Variants in FAR2 observed in about 807,000 individuals in gnomAD.
FAR2 encodes the protein epididymis secretory protein Li 81.
FAR2 carries 19 observed loss-of-function variants against 56.0 expected under a neutral mutation model. The observed-to-expected ratio is 0.34, with a 90% CI of 0.24 to 0.50. The LOEUF is 0.50. Ranked by LOEUF, FAR2 falls within the 20% of genes least tolerant of loss-of-function variation. The pLI, the probability that FAR2 is intolerant of heterozygous loss-of-function variation, is 0.98. For synonymous variants in FAR2, 219 were observed against 218.8 expected, an observed-to-expected ratio of 1.00 and a Z score of -0.01; for missense variants, 508 against 642.2, an observed-to-expected ratio of 0.79 and a Z score of 2.26.
chr12:29,290,169 G>T (rs1373323740), intron 2 of FAR2, among the ~76,000 whole-genome samples: 1 of 152,190 alleles, frequency 6.6e-6, no homozygotes, highest in Non-Finnish European at 1.5e-5. Context: ...ATATGGGCCA[G>T]GTGTGGTGGC....
At chr12:29,165,297 G>A (rs1018654258) in intron 1 of FAR2, among the ~76,000 whole-genome samples, 1 of 152,130 alleles carries the variant, frequency 6.6e-6, no homozygotes, top group Non-Finnish European at 1.5e-5. Flanking sequence ...AATACTCTAA[G>A]GATGAAATTC....
chr12:29,323,591 A>G (rs561879380), intron 10 of FAR2, among the ~76,000 whole-genome samples: 3 of 152,198 alleles, frequency 2.0e-5, no homozygotes, highest in African/African-American at 7.2e-5. Context: ...CGGTTCACCA[A>G]TATCCGCTGT....
intron 1 of FAR2, among the ~76,000 whole-genome samples, chr12:29,238,416 T>C (rs948738260): frequency 6.6e-6 from 1 of 152,158 alleles, no homozygotes. Flanking sequence ...AAATATGTTA[T>C]TTATTTTAAC....
At chr12:29,155,687 G>T (rs975974448) in intron 1 of FAR2, among the ~76,000 whole-genome samples, 3 of 152,178 alleles carry the variant, frequency 2.0e-5, no homozygotes, top group Non-Finnish European at 4.4e-5. Context: ...TATAAATAAA[G>T]TTTTATCAGA....
chr12:29,192,412 A>G (rs536840538), intron 1 of FAR2, among the ~76,000 whole-genome samples: 4 of 152,208 alleles, frequency 2.6e-5, no homozygotes, highest in African/African-American at 9.6e-5. Flanking sequence ...GAAAGAGGTT[A>G]TATTTATTAA....
chr12:29,153,038 CT>C (rs1345337149), intron 1 of FAR2, among the ~76,000 whole-genome samples: 3 of 152,194 alleles, frequency 2.0e-5, no homozygotes, highest in African/African-American at 7.2e-5. Context: ...CAGAAATTCC[CT>C]CTAGCTAGCT....
chr12:29,153,401 T>C (rs1429894843), intron 1 of FAR2, among the ~76,000 whole-genome samples: 4 of 152,092 alleles, frequency 2.6e-5, no homozygotes, highest in Admixed American at 2.6e-4. Flanking sequence ...TGGGAAGGTC[T>C]TAAGAGAAAA....
At chr12:29,196,492 G>C (rs968896818) in intron 1 of FAR2, among the ~76,000 whole-genome samples, 2 of 151,944 alleles carry the variant, frequency 1.3e-5, no homozygotes, top group Non-Finnish European at 2.9e-5. Flanking sequence ...GTCTTCTTTT[G>C]AAAAATATCT....
At chr12:29,305,615 C>T (rs755190778) in intron 4 of FAR2, among the ~76,000 whole-genome samples, 5 of 151,932 alleles carry the variant, frequency 3.3e-5, no homozygotes, top group Non-Finnish European at 7.4e-5. Flanking sequence ...ATAATTATTG[C>T]CATTTTCACA....
chr12:29,212,898 G>A (rs1226040531), intron 1 of FAR2, among the ~76,000 whole-genome samples: 1 of 152,064 alleles, frequency 6.6e-6, no homozygotes, highest in African/African-American at 2.4e-5. Flanking sequence ...AAGATAACGT[G>A]TAAAATACTT....
intron 1 of FAR2, among the ~76,000 whole-genome samples, chr12:29,248,371 G>C (rs952373954): frequency 3.3e-5 from 5 of 152,090 alleles, no homozygotes; most frequent in Admixed American, 6.5e-5. Context: ...GCGTCCAGGG[G>C]AGACATCACA....
chr12:29,320,602 G>T (rs1182512765), intron 9 of FAR2, among the ~76,000 whole-genome samples: 1 of 152,166 alleles, frequency 6.6e-6, no homozygotes, highest in Non-Finnish European at 1.5e-5. Context: ...GCCAAGACTG[G>T]TTAACTACAA....
chr12:29,220,679 A>C (rs1947675403), intron 1 of FAR2, among the ~76,000 whole-genome samples: 1 of 152,084 alleles, frequency 6.6e-6, no homozygotes, highest in South Asian at 2.1e-4. Context: ...GCACCAAAGT[A>C]TGTTACCAGT....
At chr12:29,277,749 C>T (rs1224236511) in intron 2 of FAR2, 2 of 152,130 alleles carry the variant, frequency 1.3e-5, no homozygotes, top group Non-Finnish European at 2.9e-5. Flanking sequence ...GATGCCTAGG[C>T]TCTGCCTACT....
intron 1 of FAR2, among the ~76,000 whole-genome samples, chr12:29,165,488 T>C (rs1427117805): frequency 6.6e-6 from 1 of 152,194 alleles, no homozygotes; most frequent in Non-Finnish European, 1.5e-5. Flanking sequence ...ATATAGTTAT[T>C]ATTGAAAGCA....
At chr12:29,257,878 A>C (rs1396528356) in intron 1 of FAR2, among the ~76,000 whole-genome samples, 1 of 152,190 alleles carries the variant, frequency 6.6e-6, no homozygotes, top group Non-Finnish European at 1.5e-5. Flanking sequence ...AGAACCCACC[A>C]ATTCCGGCCA....
rs760056911 is a variant in FAR2 at position 29,332,606 on chromosome 12, A to C, written c.1264A>C (p.Asn422His). 6.2e-7 allele frequency: 1 copy of C among 1,613,650 alleles called. No individual in the cohort carries two copies. Residue 422 changes from asparagine to histidine, a missense_variant, in exon 11 of 12, where the codon AAC becomes CAC. Physicochemically the swap from Asn to His is moderately conservative, Grantham distance 68 (BLOSUM62 1). Transcript: ENST00000536681. ...ELSPEDQRVF[N>H]FDVRQLNWLE... ...AATCTCTCTTGCCTCTCAGGTATTC[A>C]ACTTTGACGTGCGCCAGTTGAACTG...
chr12:29,303,428 GAAGCTTT>G (rs775495716), intron 4 of FAR2, among the ~76,000 whole-genome samples: 1 of 152,102 alleles, frequency 6.6e-6, no homozygotes, highest in African/African-American at 2.4e-5. Context: ...TCAGTTCTTA[GAAGCTTT>G]AATGGAAAGT....
At chr12:29,201,395 T>G (rs1185337290) in intron 1 of FAR2, among the ~76,000 whole-genome samples, 4 of 152,108 alleles carry the variant, frequency 2.6e-5, no homozygotes, top group Admixed American at 2.6e-4. Context: ...TGAAAGGGAG[T>G]TTGAGGTCTC....
Sources: allele counts gnomAD v4.1 joint callset (sites outside exome capture counted in the v4.1 genomes callset), GRCh38; gene constraint gnomAD v4.1.1; transcripts MANE v1.5; gene names NCBI Gene and HGNC (gene_info 2026-07-23, HGNC 2026-07-21).